SAFB2: variants seen among roughly 807,000 people sequenced by gnomAD.
The protein encoded by SAFB2 is scaffold attachment factor B2.
In SAFB2, 32 loss-of-function variants were observed where a neutral mutation model predicts 100.6. The observed-to-expected ratio is 0.32, with a 90% CI of 0.24 to 0.43. The LOEUF (loss-of-function observed/expected upper bound fraction) is 0.43, where lower values mean the gene tolerates loss of function less well. SAFB2 is among the 20% of genes least tolerant of loss of function. The pLI, the probability that SAFB2 is intolerant of heterozygous loss-of-function variation, is 1.00. For synonymous variants in SAFB2, 500 were observed against 439.4 expected, an observed-to-expected ratio of 1.14 and a Z score of -1.72; for missense variants, 1,185 against 1,163.4, an observed-to-expected ratio of 1.02 and a Z score of -0.27.
chr19:5,594,073 C>T lies in SAFB2; in HGVS notation c.2025G>A (p.Gln675=). Residue 675 remains glutamine, a synonymous_variant, in exon 15 of 21, where the codon CAG becomes CAA. Transcript: ENST00000252542. ...RERLQLECQR[Q]RLERERMERE... is the part of the protein sequence containing the mutation. ...GCTCCATGCGCTCCCGCTCCAGCCG[C>T]TGGCGCTGGCACTCGAGCTGCAGGC... is the stretch of plus-strand genomic sequence containing the variant. The T allele has an allele frequency of 6.3e-7, 1 of 1,594,976 alleles. No homozygotes were observed. Among genetic ancestry groups the T allele is most frequent in the East Asian group, 2.2e-5 (1 of 44,488 alleles).
intron 13 of SAFB2, among the ~76,000 whole-genome samples, chr19:5,598,048 T>C (rs925686051): frequency 3.4e-5 from 5 of 147,392 alleles, no homozygotes; most frequent in African/African-American, 1.0e-4. Context: ...GAGGCAGGAG[T>C]CGCTTGAACC....
rs182060794 is a variant in SAFB2, at chr19:5,613,247, T to C, written c.606+218A>G. 6.0e-4 allele frequency among the ~76,000 whole-genome samples: 91 copies of C among 152,340 alleles called. No individual in the cohort carries two copies. In the East Asian group the frequency reaches 0.014, roughly 24 times the overall value. ...TCCAACCACCAGAACTGCTCCCTCA[T>C]CACACTTCTTTCTCCCTTCTGGTTA... On this transcript the variant is annotated intron_variant, in intron 5 of 20. Coordinates refer to ENST00000252542, the MANE Select transcript of SAFB2 (RefSeq NM_014649.3).
intron 18 of SAFB2, among the ~76,000 whole-genome samples, chr19:5,589,756 C>A (rs1419985727): frequency 6.6e-6 from 1 of 152,154 alleles, no homozygotes; most frequent in Non-Finnish European, 1.5e-5. Context: ...TGGCTTTGGA[C>A]ACCTGTGGAG....
chr19:5,613,524 C>T lies in SAFB2; in HGVS notation c.547G>A (p.Asp183Asn), dbSNP rs1416477030. ...AAAGTGTTCTTAAATCCTTCCCCATCCACCTGAAAAACAAAATGGAAGATG... is the reference window on the plus strand; with the variant it reads ...AAAGTGTTCTTAAATCCTTCCCCATTCACCTGAAAAACAAAATGGAAGATG... ...LPAQPPEHAV[D>N]GEGFKNTLET... is the part of the protein sequence containing the mutation. Residue 183 changes from aspartate to asparagine, a missense_variant, in exon 5 of 21, where the codon GAT becomes AAT. Physicochemically the swap from Asp to Asn is conservative, Grantham distance 23. Transcript: ENST00000252542. 1.2e-6 allele frequency: 2 copies of T among 1,613,758 alleles called. No homozygotes were observed.
rs1325364820 is a variant in SAFB2, at chr19:5,610,118, AG to A, written c.1196-24del. 1.9e-6 allele frequency: 3 copies of A among 1,604,004 alleles called. No homozygotes were observed. The South Asian group carries it at 3.3e-5, about 18-fold the overall frequency. On this transcript the variant is annotated intron_variant, in intron 8 of 20. Transcript: ENST00000252542. ...GACCTGGCACGAGAGGGAGATTCTT[AG>A]GCATCACCCCAAGGCCTAACAGGAA... is the stretch of plus-strand genomic sequence containing the variant.
intron 7 of SAFB2, 33 bp downstream of exon 7, chr19:5,611,087 T>C (rs1380422744): frequency 3.3e-6 from 1 of 306,136 alleles, no homozygotes; most frequent in African/African-American, 2.6e-5. Flanking sequence ...GAAAAGGAGA[T>C]AGCGTCTGGT....
chr19:5,621,325 G>T lies in SAFB2; in HGVS notation c.258C>A (p.Ala86=). ...IELEATSKKS[A]KRCVKGLKME... is the part of the protein sequence containing the mutation. ...GTACAATACCTTTAACACATCTCTT[G>T]GCTGACTTCTTGCTGGTGGCTTCTA... The change falls in exon 2 of 21, where the codon GCC becomes GCA. Residue 86 remains alanine (A), a synonymous_variant. Coordinates refer to ENST00000252542, the MANE Select transcript of SAFB2 (RefSeq NM_014649.3). The T allele has an allele frequency of 1.2e-6, 2 of 1,611,568 alleles. No individual in the cohort carries two copies. Among genetic ancestry groups the T allele is most frequent in the Non-Finnish European group, 1.7e-6 (2 of 1,177,702 alleles).
intron 11 of SAFB2, 105 bp from the exon 12 acceptor site, chr19:5,600,365 A>C: frequency 6.9e-7 from 1 of 1,459,650 alleles, no homozygotes; most frequent in Non-Finnish European, 9.2e-7. Context: ...ACACAAAACA[A>C]ATCACCCCGG....
chr19:5,612,477 C>G (rs1379069048), intron 6 of SAFB2, 63 bp downstream of exon 6: 1 of 1,411,956 alleles, frequency 7.1e-7, no homozygotes, highest in African/African-American at 1.4e-5. Flanking sequence ...AAAATATAGA[C>G]AGCTTTAAAA....
intron 4 of SAFB2, among the ~76,000 whole-genome samples, chr19:5,614,078 C>T (rs1369915875): frequency 2.0e-5 from 3 of 152,130 alleles, no homozygotes; most frequent in South Asian, 2.1e-4. Context: ...CTCAGCCTCC[C>T]GAGGAGCTAG....
At chr19:5,608,288 AAT>A (rs1313259360) in intron 9 of SAFB2, among the ~76,000 whole-genome samples, 1 of 152,146 alleles carries the variant, frequency 6.6e-6, no homozygotes, top group African/African-American at 2.4e-5. Flanking sequence ...GGCGTGCTCT[AAT>A]ATTCCTTAAT....
chr19:5,604,432 C>T, intron 11 of SAFB2, 151 bp downstream of exon 11: 1 of 606,060 alleles, frequency 1.7e-6, no homozygotes, highest in Non-Finnish European at 3.0e-6. Context: ...AAAGTGGCAG[C>T]AGAACACAAA....
At chr19:5,616,019 C>T in intron 4 of SAFB2, 113 bp downstream of exon 4, 1 of 938,470 alleles carries the variant, frequency 1.1e-6, no homozygotes, top group Non-Finnish European at 1.7e-6. Context: ...GGTGTAGAAG[C>T]AGAACTGTGT....
intron 4 of SAFB2, 110 bp from the exon 5 acceptor site, chr19:5,613,637 C>T: frequency 1.3e-6 from 2 of 1,511,702 alleles, no homozygotes; most frequent in Non-Finnish European, 1.8e-6. Flanking sequence ...CACCTTTTGC[C>T]ATCTGCAAGT....
At chr19:5,602,763 C>T (rs2052690251) in intron 11 of SAFB2, among the ~76,000 whole-genome samples, 1 of 152,184 alleles carries the variant, frequency 6.6e-6, no homozygotes, top group Admixed American at 6.5e-5. Context: ...TACAGAAAAA[C>T]AATTAATGAA....
intron 11 of SAFB2, among the ~76,000 whole-genome samples, chr19:5,603,736 C>T (rs2052713553): frequency 6.6e-6 from 1 of 152,130 alleles, no homozygotes; most frequent in African/African-American, 2.4e-5. Context: ...CACAGGGTGC[C>T]TTGGAATATT....
At chr19:5,591,691 G>C in intron 17 of SAFB2, 57 bp downstream of exon 17, 1 of 1,554,370 alleles carries the variant, frequency 6.4e-7, no homozygotes, top group South Asian at 1.1e-5. Flanking sequence ...GAAATGGTCC[G>C]CTATGCCTGC....
intron 2 of SAFB2, among the ~76,000 whole-genome samples, chr19:5,617,488 T>G (rs746298760): frequency 1.3e-5 from 2 of 152,086 alleles, no homozygotes; most frequent in African/African-American, 4.8e-5. Flanking sequence ...GGAATTTGAG[T>G]CTTAGGATAT....
rs763078712 is a variant in SAFB2, at chr19:5,594,102, C to T, written c.1996G>A (p.Glu666Lys). The change falls in exon 15 of 21, where the codon GAA becomes AAA. Residue 666 changes from glutamate (E) to lysine (K), a missense_variant. This residue lies in a region of SAFB2 where 740 missense variants were observed against 687.1 expected (regional missense o/e 1.08). Transcript: ENST00000252542. The part of the protein sequence containing the change: ...ERKEKARLQR[E>K]RLQLECQRQR... ...CGCTGGCACTCGAGCTGCAGGCGTT[C>T]CCGCTGTAGCCGGGCCTTCTCCTTC... is the stretch of plus-strand genomic sequence containing the variant. 6.2e-7 allele frequency: 1 copy of T among 1,600,456 alleles called. No homozygotes were observed. The highest frequency in any genetic ancestry group is 8.5e-7 in the Non-Finnish European group (1 of 1,177,916).
Sources: allele counts gnomAD v4.1 joint callset (sites outside exome capture counted in the v4.1 genomes callset), GRCh38; gene constraint gnomAD v4.1.1; regional missense constraint gnomAD v4.1.1; transcripts MANE v1.5; gene names NCBI Gene and HGNC (gene_info 2026-07-23, HGNC 2026-07-21).